The following SH2D4B variants were observed in gnomAD, a reference collection of about 807,000 sequenced individuals.
SH2D4B encodes SH2 domain-containing protein 4B.
SH2D4B carries 45 observed loss-of-function variants against 61.5 expected under a neutral mutation model. That is an observed-to-expected ratio of 0.73 (90% CI 0.58 to 0.94). The LOEUF is 0.94. SH2D4B is among the 40% of genes least tolerant of loss of function. The pLI, the probability that SH2D4B is intolerant of heterozygous loss-of-function variation, is 0.00. For synonymous variants in SH2D4B, 224 were observed against 220.4 expected (o/e 1.02, Z -0.14); for missense variants, 572 against 574.2 (o/e 1.00, Z 0.04).
chr10:80,567,654 C>G (rs1841986667), intron 1 of SH2D4B, among the ~76,000 whole-genome samples: 2 of 152,350 alleles, frequency 1.3e-5, no homozygotes, highest in African/African-American at 4.8e-5. Context: ...AGTCTCCAGT[C>G]TATAGCATTT....
At chr10:80,634,003 A>T (rs1207038868) in intron 6 of SH2D4B, among the ~76,000 whole-genome samples, 1 of 152,226 alleles carries the variant, frequency 6.6e-6, no homozygotes, top group East Asian at 1.9e-4. Context: ...AATTAATCCA[A>T]ATCACCCTGG....
At chr10:80,550,544 A>C (rs1841745849) in intron 1 of SH2D4B, among the ~76,000 whole-genome samples, 1 of 152,128 alleles carries the variant, frequency 6.6e-6, no homozygotes, top group Non-Finnish European at 1.5e-5. Context: ...CAGTGAGCCC[A>C]TATCGCGCCA....
At chr10:80,640,857 G>A (rs1035872079) in intron 7 of SH2D4B, among the ~76,000 whole-genome samples, 4 of 152,188 alleles carry the variant, frequency 2.6e-5, no homozygotes, top group Non-Finnish European at 4.4e-5. Context: ...CGATCCTTTA[G>A]AGGAGAAGAG....
chr10:80,581,109 A>C (rs1013623624), intron 3 of SH2D4B, among the ~76,000 whole-genome samples: 2 of 152,170 alleles, frequency 1.3e-5, no homozygotes, highest in African/African-American at 4.8e-5. Context: ...TTCCTTTATC[A>C]CAGTAAATGG....
chr10:80,589,589 C>T (rs1842301994), intron 4 of SH2D4B, among the ~76,000 whole-genome samples: 5 of 152,116 alleles, frequency 3.3e-5, no homozygotes, highest in Admixed American at 3.3e-4. Flanking sequence ...TGTGCTAAGC[C>T]CTAGGGATCC....
At chr10:80,617,578 G>T (rs1842674749) in intron 6 of SH2D4B, among the ~76,000 whole-genome samples, 1 of 152,074 alleles carries the variant, frequency 6.6e-6, no homozygotes, top group African/African-American at 2.4e-5. Context: ...GAACAAAACT[G>T]GTGCCTTCCC....
intron 6 of SH2D4B, among the ~76,000 whole-genome samples, chr10:80,626,971 G>A (rs192888948): frequency 2.0e-5 from 3 of 152,266 alleles, no homozygotes; most frequent in Middle Eastern, 3.4e-3. Flanking sequence ...GACATTCAGT[G>A]TCCTCAGTTG....
chr10:80,587,139 TTTTTTTGTTTTG>T lies in SH2D4B; in HGVS notation c.496-1484_496-1473del, dbSNP rs1346111806. 5.7e-5 allele frequency among the ~76,000 whole-genome samples: 3 copies of T among 53,038 alleles called. 1 individual carries two copies. Among genetic ancestry groups the T allele is most frequent in the Admixed American group, 1.8e-4 (1 of 5,670 alleles). The allele number at this position is 53,038 out of a possible 152,430, so 34.8% of individuals were successfully genotyped here. A position where few individuals can be genotyped will look rare whatever the true frequency, so the allele number is the denominator to read the frequency against. On this transcript the variant is annotated intron_variant, in intron 3 of 7. Coordinates refer to ENST00000646907, the MANE Select transcript of SH2D4B (RefSeq NM_001388272.1). ...CACCAATTCCGGCCACGTTTTTTTTTTTTTTTGTTTTGTTTTTTTTTTTTTTTTTGGAGACGC... is the reference window on the plus strand; with the variant it reads ...CACCAATTCCGGCCACGTTTTTTTTTTTTTTTTTTTTTTTTTTGGAGACGC...
intron 6 of SH2D4B, among the ~76,000 whole-genome samples, chr10:80,616,876 G>A (rs1183430473): frequency 2.0e-5 from 3 of 152,174 alleles, no homozygotes; most frequent in East Asian, 3.8e-4. Flanking sequence ...TAGCCATTAC[G>A]TACATAGTGC....
chr10:80,544,399 G>A (rs539877171), intron 1 of SH2D4B, among the ~76,000 whole-genome samples: 68 of 152,344 alleles, frequency 4.5e-4, no homozygotes, highest in South Asian at 1.2e-3. Flanking sequence ...CACTCACCGC[G>A]AGGGTCCGTG....
intron 6 of SH2D4B, among the ~76,000 whole-genome samples, chr10:80,613,692 C>A (rs1410100326): frequency 6.6e-6 from 1 of 152,190 alleles, no homozygotes; most frequent in Non-Finnish European, 1.5e-5. Context: ...GGGACCCCAC[C>A]TGGGAGGAGG....
At chr10:80,627,150 G>A (rs1362948006) in intron 6 of SH2D4B, among the ~76,000 whole-genome samples, 2 of 152,160 alleles carry the variant, frequency 1.3e-5, no homozygotes, top group Non-Finnish European at 2.9e-5. Context: ...AGGGGTCAGA[G>A]AGCCAGATAT....
chr10:80,637,977 TGA>T (rs1840214957), intron 7 of SH2D4B, among the ~76,000 whole-genome samples: 1 of 152,206 alleles, frequency 6.6e-6, no homozygotes, highest in South Asian at 2.1e-4. Flanking sequence ...CCTAGTTTAT[TGA>T]GAGTTTTTAG....
intron 6 of SH2D4B, among the ~76,000 whole-genome samples, chr10:80,613,558 C>T (rs1405084676): frequency 2.0e-5 from 3 of 152,246 alleles, no homozygotes; most frequent in Non-Finnish European, 4.4e-5. Flanking sequence ...AAATTATCTC[C>T]ATGTGACCCT....
At chr10:80,591,231 T>C (rs1302026453) in intron 4 of SH2D4B, among the ~76,000 whole-genome samples, 1 of 152,150 alleles carries the variant, frequency 6.6e-6, no homozygotes, top group African/African-American at 2.4e-5. Flanking sequence ...TGTGTGAACA[T>C]ATATTTTCAA....
At chr10:80,607,240 G>A (rs538908999) in intron 5 of SH2D4B, 2 of 152,302 alleles carry the variant, frequency 1.3e-5, no homozygotes, top group African/African-American at 2.4e-5. Context: ...TAAGGAAAGC[G>A]AGTCCTAGAA....
intron 6 of SH2D4B, among the ~76,000 whole-genome samples, chr10:80,616,851 AC>A (rs1369146463): frequency 6.6e-6 from 1 of 152,210 alleles, no homozygotes; most frequent in Admixed American, 6.5e-5. Flanking sequence ...AACTCTCTGG[AC>A]TGGGTAATAA....
chr10:80,623,185 G>A (rs1842734866), intron 6 of SH2D4B, among the ~76,000 whole-genome samples: 1 of 152,260 alleles, frequency 6.6e-6, no homozygotes, highest in South Asian at 2.1e-4. Flanking sequence ...AGAGTGCTGG[G>A]ATTACAGGCG....
At chr10:80,562,655 G>A (rs1403423434) in intron 1 of SH2D4B, among the ~76,000 whole-genome samples, 1 of 152,064 alleles carries the variant, frequency 6.6e-6, no homozygotes, top group Non-Finnish European at 1.5e-5. Flanking sequence ...TGGGATAACT[G>A]GATCATAGGA....
Sources: allele counts gnomAD v4.1 joint callset (sites outside exome capture counted in the v4.1 genomes callset), GRCh38; gene constraint gnomAD v4.1.1; transcripts MANE v1.5; gene names NCBI Gene and HGNC (gene_info 2026-07-23, HGNC 2026-07-21).